GRM1: variants seen among roughly 807,000 people sequenced by gnomAD.
The protein encoded by GRM1 is glutamate metabotropic receptor 1.
In GRM1, 33 loss-of-function variants were observed where a neutral mutation model predicts 90.9. The observed-to-expected ratio is 0.36, with a 90% CI of 0.28 to 0.49. GRM1 has a LOEUF of 0.49. GRM1 is among the 20% of genes least tolerant of loss of function. The probability of loss-of-function intolerance (pLI) is 0.99; values close to 1 mark genes in which losing one functional copy is unlikely to be tolerated. For missense variants in GRM1, 1,190 were observed against 1,534.3 expected (o/e 0.78, Z 3.75); for synonymous variants, 700 against 613.2 (o/e 1.14, Z -2.09).
chr6:146,352,175 G>A (rs1785433653), intron 3 of GRM1, 75 bp from the exon 4 acceptor site: 2 of 1,488,128 alleles, frequency 1.3e-6, no homozygotes, highest in African/African-American at 1.4e-5. Context: ...ACCCCCAAAA[G>A]CATTTGAGAA....
intron 2 of GRM1, among the ~76,000 whole-genome samples, chr6:146,300,111 TA>T (rs1783319484): frequency 2.6e-5 from 4 of 152,216 alleles, no homozygotes; most frequent in Admixed American, 1.3e-4. Context: ...TATTATATTG[TA>T]ATCTCTGGAA....
At chr6:146,082,282 T>A (rs1776389239) in intron 1 of GRM1, among the ~76,000 whole-genome samples, 1 of 152,012 alleles carries the variant, frequency 6.6e-6, no homozygotes, top group Non-Finnish European at 1.5e-5. Flanking sequence ...CAGCCTCCCA[T>A]GTGGCTGGGA....
At chr6:146,169,039 A>G (rs1778009359) in intron 2 of GRM1, among the ~76,000 whole-genome samples, 1 of 152,038 alleles carries the variant, frequency 6.6e-6, no homozygotes, top group Admixed American at 6.6e-5. Context: ...TTGTTGTTAT[A>G]TTCTTTCTAG....
intron 3 of GRM1, among the ~76,000 whole-genome samples, chr6:146,335,478 T>G (rs1246300406): frequency 6.6e-6 from 1 of 152,192 alleles, no homozygotes; most frequent in African/African-American, 2.4e-5. Flanking sequence ...TGAGATGTGT[T>G]TTATTTATAT....
At chr6:146,115,348 C>T (rs1052381526) in intron 1 of GRM1, among the ~76,000 whole-genome samples, 8 of 152,078 alleles carry the variant, frequency 5.3e-5, no homozygotes, top group African/African-American at 1.9e-4. Flanking sequence ...GTCTCTCACA[C>T]CAGAGCAGTG....
At chr6:146,132,390 G>T in intron 1 of GRM1, among the ~76,000 whole-genome samples, 1 of 152,258 alleles carries the variant, frequency 6.6e-6, no homozygotes, top group Admixed American at 6.5e-5. Context: ...TCATTAAGAA[G>T]TTGACAGATT....
At chr6:146,410,626 G>T (rs895302038) in intron 7 of GRM1, among the ~76,000 whole-genome samples, 2 of 152,038 alleles carry the variant, frequency 1.3e-5, no homozygotes, top group Non-Finnish European at 2.9e-5. Context: ...TTGGAGGTAG[G>T]GAAGGTCTAC....
At chr6:146,413,889 G>A (rs904124701) in intron 7 of GRM1, among the ~76,000 whole-genome samples, 4 of 152,132 alleles carry the variant, frequency 2.6e-5, no homozygotes, top group African/African-American at 9.7e-5. Flanking sequence ...CATGTAACAA[G>A]AGCTTATTCC....
chr6:146,029,255 A>G lies in GRM1; in HGVS notation c.-263A>G, dbSNP rs1790617901. On this transcript the variant is annotated 5_prime_UTR_variant, in exon 1 of 8. The change abolishes an upstream ATG in the 5' untranslated region. Transcript: ENST00000282753. Reference sequence around the variant, plus strand: ...CTGTACTCTTGATCAATTTACCTTGATGCACTACCGGTGAAGAACGGGGAC... The same window carrying G: ...CTGTACTCTTGATCAATTTACCTTGGTGCACTACCGGTGAAGAACGGGGAC... 1 of 535,942 alleles carries G rather than the reference A, an allele frequency of 1.9e-6. No individual in the cohort carries two copies. The highest frequency in any genetic ancestry group is 3.1e-5 in the Admixed American group (1 of 31,870). The allele number at this position is 535,942 out of a possible 1,614,324, so 33.2% of individuals were successfully genotyped here. A position where few individuals can be genotyped will look rare whatever the true frequency, so the allele number is the denominator to read the frequency against.
intron 2 of GRM1, among the ~76,000 whole-genome samples, chr6:146,176,176 T>C (rs962182434): frequency 2.0e-5 from 3 of 152,032 alleles, no homozygotes; most frequent in Non-Finnish European, 4.4e-5. Flanking sequence ...CACAATGAAT[T>C]CTCAGTAAAT....
At chr6:146,155,316 C>T (rs760675673) in intron 1 of GRM1, among the ~76,000 whole-genome samples, 3 of 152,196 alleles carry the variant, frequency 2.0e-5, no homozygotes, top group Non-Finnish European at 4.4e-5. Flanking sequence ...ATACTTACCA[C>T]TGTCTTACAG....
intron 3 of GRM1, among the ~76,000 whole-genome samples, chr6:146,307,744 G>A (rs73577176): frequency 0.053 from 8,079 of 152,042 alleles, 703 homozygotes; most frequent in African/African-American, 0.18. Context: ...CTAGTGGTTT[G>A]GAAAGTTTTG....
At chr6:146,427,352 C>T (rs934626787) in intron 7 of GRM1, among the ~76,000 whole-genome samples, 11 of 152,140 alleles carry the variant, frequency 7.2e-5, no homozygotes, top group African/African-American at 2.7e-4. Flanking sequence ...AGACCATGTT[C>T]AGTTCGTTGT....
At chr6:146,180,885 C>A (rs1356321393) in intron 2 of GRM1, among the ~76,000 whole-genome samples, 1 of 152,106 alleles carries the variant, frequency 6.6e-6, no homozygotes, top group Non-Finnish European at 1.5e-5. Flanking sequence ...TCACTTACAG[C>A]AAATATTTTT....
intron 2 of GRM1, among the ~76,000 whole-genome samples, chr6:146,245,776 A>G (rs139259624): frequency 0.01 from 1,524 of 152,338 alleles, 18 homozygotes; most frequent in Non-Finnish European, 0.013. Context: ...TCTAATAGCT[A>G]TAAACCAACT....
At chr6:146,096,437 G>C (rs773125195) in intron 1 of GRM1, among the ~76,000 whole-genome samples, 1 of 152,134 alleles carries the variant, frequency 6.6e-6, no homozygotes, top group African/African-American at 2.4e-5. Flanking sequence ...TACAGGAAAG[G>C]AGGGTGCATT....
chr6:146,184,850 G>T (rs943742137), intron 2 of GRM1, among the ~76,000 whole-genome samples: 1 of 152,156 alleles, frequency 6.6e-6, no homozygotes, highest in Admixed American at 6.5e-5. Flanking sequence ...ATGTGTCAGA[G>T]TATTTCCCTT....
chr6:146,125,924 G>A (rs1038040488), intron 1 of GRM1, among the ~76,000 whole-genome samples: 1 of 151,928 alleles, frequency 6.6e-6, no homozygotes, highest in Admixed American at 6.6e-5. Context: ...AGTACTATTT[G>A]TCTTATTTTC....
intron 2 of GRM1, among the ~76,000 whole-genome samples, chr6:146,202,737 T>C (rs1437488605): frequency 6.6e-6 from 1 of 152,150 alleles, no homozygotes; most frequent in African/African-American, 2.4e-5. Flanking sequence ...TTTCCACTAT[T>C]GTTTCTGAGT....
Sources: gnomAD v4.1 joint callset for allele counts (sites outside exome capture counted in the v4.1 genomes callset) on GRCh38, gnomAD v4.1.1 for gene constraint, MANE v1.5 for transcripts, NCBI Gene and HGNC (gene_info 2026-07-23, HGNC 2026-07-21) for gene names.